The following ACOT7 variants were observed in gnomAD, a reference collection of about 807,000 sequenced individuals.
ACOT7 encodes the protein acyl-CoA thioesterase 7, also known as cytosolic acyl coenzyme A thioester hydrolase.
A neutral mutation model predicts 40.2 loss-of-function variants in ACOT7; 12 were observed. The ratio of observed to expected loss-of-function variants is 0.30; its 90% CI spans 0.19 to 0.48. The LOEUF (loss-of-function observed/expected upper bound fraction) is 0.48, where lower values mean the gene tolerates loss of function less well. Ranked by LOEUF, ACOT7 falls within the 20% of genes least tolerant of loss-of-function variation. ACOT7 has a pLI of 0.99. For synonymous variants in ACOT7, 228 were observed against 219.5 expected, an observed-to-expected ratio of 1.04 and a Z score of -0.34; for missense variants, 395 against 530.8, an observed-to-expected ratio of 0.74 and a Z score of 2.51.
rs192112480 is a variant in ACOT7, at chr1:6,264,614, C to T, written c.1096G>A (p.Ala366Thr). Residue 366 changes from alanine to threonine, a missense_variant, in exon 9 of 9, where the codon GCG (alanine) becomes ACG (threonine). Coordinates refer to ENST00000361521, the MANE Select transcript of ACOT7 (RefSeq NM_007274.4). The part of the protein sequence containing the change: ...LQMKAKRQGH[A>T]EPQP ...GAGGGAGTCTAGGGCTGAGGCTCCG[C>T]GTGGCCCTGTCGCTTCGCCTTCATC... is the stretch of plus-strand genomic sequence containing the variant. The T allele has an allele frequency of 1.1e-5, 18 of 1,612,614 alleles. No homozygotes were observed. Among genetic ancestry groups the T allele is most frequent in the African/African-American group, 4.0e-5 (3 of 74,930 alleles).
At chr1:6,345,916 G>A (rs541528831) in intron 2 of ACOT7, among the ~76,000 whole-genome samples, 15 of 152,362 alleles carry the variant, frequency 9.8e-5, no homozygotes, top group African/African-American at 3.4e-4. Context: ...GACGGTGCCA[G>A]GCCCGAGCTC....
intron 5 of ACOT7, among the ~76,000 whole-genome samples, chr1:6,319,712 G>A (rs1640591242): frequency 2.0e-5 from 3 of 152,214 alleles, no homozygotes; most frequent in Admixed American, 6.5e-5. Flanking sequence ...TGGCGCTTGC[G>A]TTGAAAACAG....
chr1:6,296,586 G>A (rs1354340073), intron 6 of ACOT7, among the ~76,000 whole-genome samples: 1 of 152,026 alleles, frequency 6.6e-6, no homozygotes, highest in Non-Finnish European at 1.5e-5. Context: ...ACTATGCCCA[G>A]CTAATTTTTT....
At chr1:6,328,191 C>T (rs1389865677) in intron 4 of ACOT7, among the ~76,000 whole-genome samples, 3 of 152,168 alleles carry the variant, frequency 2.0e-5, no homozygotes, top group Non-Finnish European at 4.4e-5. Flanking sequence ...GCCCCACCCA[C>T]TCTCCAAAGT....
chr1:6,298,162 T>C (rs539266386), intron 6 of ACOT7, among the ~76,000 whole-genome samples: 23 of 151,952 alleles, frequency 1.5e-4, no homozygotes, highest in Admixed American at 3.9e-4. Flanking sequence ...TGAGAAAGAG[T>C]CTCTCTCTGT....
chr1:6,283,986 C>A (rs562857041), intron 7 of ACOT7, among the ~76,000 whole-genome samples: 1 of 152,062 alleles, frequency 6.6e-6, no homozygotes, highest in African/African-American at 2.4e-5. Flanking sequence ...CAGAGCAAGA[C>A]CCTGTCTCAG....
chr1:6,281,103 A>T lies in ACOT7; in HGVS notation c.1013T>A (p.Val338Glu). The change falls in exon 8 of 9, where the codon GTG (valine) becomes GAG (glutamate). Residue 338 changes from valine (V) to glutamate (E), a missense_variant and splice_region_variant. Val to Glu is a moderately radical substitution (Grantham distance 121). Coordinates refer to ENST00000361521, the MANE Select transcript of ACOT7 (RefSeq NM_007274.4). ...EGRSLPVPQL[V>E]PETEDEKKRF... is the part of the protein sequence containing the mutation. ...GCCGTTCCAAGGATGCGCACTCACC[A>T]CCAGCTGGGGCACAGGCAGCGACCT... The T allele has an allele frequency of 6.2e-7, 1 of 1,613,016 alleles. No homozygotes were observed.
intron 1 of ACOT7, among the ~76,000 whole-genome samples, chr1:6,373,249 C>G (rs945764401): frequency 1.4e-4 from 21 of 151,642 alleles, no homozygotes; most frequent in African/African-American, 4.9e-4. Flanking sequence ...TGCAGGGTTG[C>G]CACAAACTTT....
intron 1 of ACOT7, among the ~76,000 whole-genome samples, chr1:6,387,936 T>TTTG (rs372826971): frequency 6.7e-6 from 1 of 148,312 alleles, no homozygotes; most frequent in African/African-American, 2.5e-5. Context: ...GGTTCTTTGT[T>TTTG]TTTTTTTTTT....
At chr1:6,316,560 A>G (rs1640501934) in intron 6 of ACOT7, among the ~76,000 whole-genome samples, 1 of 152,256 alleles carries the variant, frequency 6.6e-6, no homozygotes, top group South Asian at 2.1e-4. Flanking sequence ...CTGTGATCCC[A>G]GCACTTTGGG....
chr1:6,357,870 C>T (rs1641790088), intron 1 of ACOT7, among the ~76,000 whole-genome samples: 3 of 143,668 alleles, frequency 2.1e-5, no homozygotes, highest in African/African-American at 5.1e-5. Flanking sequence ...TGCTTCTCCT[C>T]TTTTTTTTTT....
rs141145349 is a variant in ACOT7 at position 6,379,137 on chromosome 1, G to A, written c.143+14120C>T. Among the ~76,000 whole-genome samples, 1,316 of 151,912 alleles carry A rather than the reference G, an allele frequency of 8.7e-3. 118 individuals carry two copies. Among genetic ancestry groups the A allele is most frequent in the Non-Finnish European group, 1.9e-3 (126 of 67,910 alleles). On this transcript the variant is annotated intron_variant, in intron 1 of 8. Coordinates refer to ENST00000361521, the MANE Select transcript of ACOT7 (RefSeq NM_007274.4). Reference sequence around the variant, plus strand: ...TCCCGATCTCCTGACTTCATGATCCGCCCACCTCGGTCTCCCAAAGAGCTG... The same window carrying A: ...TCCCGATCTCCTGACTTCATGATCCACCCACCTCGGTCTCCCAAAGAGCTG...
At chr1:6,343,090 G>T (rs1292720378) in intron 2 of ACOT7, among the ~76,000 whole-genome samples, 1 of 152,204 alleles carries the variant, frequency 6.6e-6, no homozygotes, top group East Asian at 1.9e-4. Flanking sequence ...AGGTGAGGGA[G>T]GGGCCTGGGC....
At chr1:6,268,692 C>T (rs1571253996) in intron 8 of ACOT7, among the ~76,000 whole-genome samples, 2 of 152,390 alleles carry the variant, frequency 1.3e-5, no homozygotes, top group South Asian at 4.1e-4. Flanking sequence ...GCCCGAACGG[C>T]AGGGAGATCT....
intron 1 of ACOT7, among the ~76,000 whole-genome samples, chr1:6,375,848 G>A (rs1642219575): frequency 6.6e-6 from 1 of 151,648 alleles, no homozygotes; most frequent in South Asian, 2.1e-4. Context: ...CGAGACAGAA[G>A]AATGGCATGA....
intron 5 of ACOT7, among the ~76,000 whole-genome samples, chr1:6,324,617 C>G (rs980636989): frequency 8.5e-5 from 13 of 152,188 alleles, no homozygotes; most frequent in Non-Finnish European, 1.5e-5. Flanking sequence ...CCACACCCCC[C>G]GGGGTCTGGC....
At position 6,311,375 on chromosome 1, in the gene ACOT7, GC is replaced by G. The variant is rs1372174111; in HGVS notation, c.712+7116del. 6.6e-6 allele frequency among the ~76,000 whole-genome samples: 1 copy of G among 152,216 alleles called. No individual in the cohort carries two copies. The highest frequency in any genetic ancestry group is 1.5e-5 in the Non-Finnish European group (1 of 68,034). On this transcript the variant is annotated intron_variant, in intron 6 of 8. Transcript: ENST00000361521. The surrounding 1 kb of genome is among the most constrained non-coding windows in gnomAD (Gnocchi z 5.2). ...AACCCGGATCATCCCATGGACGAGG[GC>G]CCCATGAGGGCCACATCTAGGCTGA... is the stretch of plus-strand genomic sequence containing the variant.
intron 6 of ACOT7, among the ~76,000 whole-genome samples, chr1:6,305,488 C>T (rs1286719875): frequency 2.0e-5 from 3 of 150,902 alleles, no homozygotes; most frequent in Non-Finnish European, 4.4e-5. Context: ...GGCTGCCGGG[C>T]GGAGGGGCTT....
At chr1:6,266,071 C>T (rs548046256) in intron 8 of ACOT7, among the ~76,000 whole-genome samples, 8 of 152,312 alleles carry the variant, frequency 5.3e-5, no homozygotes, top group African/African-American at 1.7e-4. Context: ...CTCCTTGCAG[C>T]GGTCCTGGTC....
Sources: gnomAD v4.1 joint callset for allele counts (sites outside exome capture counted in the v4.1 genomes callset) on GRCh38, gnomAD v4.1.1 for gene constraint, Gnocchi (gnomAD v3.1) non-coding constraint, MANE v1.5 for transcripts, NCBI Gene and HGNC (gene_info 2026-07-23, HGNC 2026-07-21) for gene names.